Variants in POLQ observed in about 807,000 individuals in gnomAD.
POLQ encodes the protein epididymis secretory sperm binding protein.
A neutral mutation model predicts 259.2 loss-of-function variants in POLQ; 233 were observed. That is an observed-to-expected ratio of 0.90 (90% CI 0.81 to 1.00). POLQ has a LOEUF of 1.00. Among genes scored for constraint, POLQ ranks in the 50% least tolerant of loss-of-function variants. The pLI is 0.00. For missense variants in POLQ, 2,871 were observed against 3,051.6 expected (o/e 0.94, Z 1.39); for synonymous variants, 1,025 against 1,048.8 (o/e 0.98, Z 0.44).
chr3:121,519,990 AC>A lies in POLQ; in HGVS notation c.1348del (p.Val450Ter). 6.2e-7 allele frequency: 1 copy of A among 1,612,968 alleles called. No homozygotes were observed. The highest frequency in any genetic ancestry group is 1.3e-5 in the African/African-American group (1 of 75,000). On this transcript the variant is annotated frameshift_variant, in exon 9 of 30. Coordinates refer to ENST00000264233, the MANE Select transcript of POLQ (RefSeq NM_199420.4). LOFTEE classifies it high-confidence loss of function. ...AATCACACGACGTGCAGGTAAATTC[AC>A]CCCAGAAGAAAGAGTAGAAGTTGCC... ...LAATSTLSSG[V>X]NLPARRVIIR... is the part of the protein sequence containing the mutation.
In POLQ at chr3:121,488,191, C is replaced by T. The variant is rs765438089; in HGVS notation, c.4740G>A (p.Glu1580=). The T allele has an allele frequency of 3.7e-6, 6 of 1,613,614 alleles. No homozygotes were observed. The highest frequency in any genetic ancestry group is 4.2e-6 in the Non-Finnish European group (5 of 1,179,882). ...LDNVDIFPVQ[E]KNHTVVSPRA... ...TAGGAGATACTACAGTATGATTCTT[C>T]TCTTGGACAGGAAATATATCCACAT... The change falls in exon 16 of 30, where the codon GAG becomes GAA. Residue 1580 remains glutamate (E), a synonymous_variant. Transcript: ENST00000264233.
At chr3:121,463,871 A>C (rs1314657006) in intron 24 of POLQ, among the ~76,000 whole-genome samples, 4 of 152,200 alleles carry the variant, frequency 2.6e-5, no homozygotes, top group Non-Finnish European at 5.9e-5. Flanking sequence ...GACCATCAAA[A>C]GTGTTACAAT....
Position 121,545,710 on chromosome 3 carries a change from A to G in POLQ, c.163+5T>C, listed in dbSNP as rs2108824538. On this transcript the variant is annotated splice_donor_5th_base_variant and intron_variant, in intron 1 of 29. Transcript: ENST00000264233. ...TGCCCGCGGCCTCCCGGGTTCCTGGAGCACCTGCAGCTGCGGCCTTCAGGC... is the reference window on the plus strand; with the variant it reads ...TGCCCGCGGCCTCCCGGGTTCCTGGGGCACCTGCAGCTGCGGCCTTCAGGC... 1 of 1,549,188 alleles carries G rather than the reference A, an allele frequency of 6.5e-7. No homozygotes were observed. The highest frequency in any genetic ancestry group is 8.7e-7 in the Non-Finnish European group (1 of 1,148,100).
At chr3:121,471,151 T>C (rs1029597150) in intron 22 of POLQ, among the ~76,000 whole-genome samples, 3 of 152,200 alleles carry the variant, frequency 2.0e-5, no homozygotes, top group African/African-American at 7.2e-5. Context: ...AGTTTTGTAC[T>C]GCCTAGAGAA....
intron 24 of POLQ, among the ~76,000 whole-genome samples, chr3:121,461,967 A>G (rs1243118345): frequency 6.6e-6 from 1 of 152,196 alleles, no homozygotes; most frequent in East Asian, 1.9e-4. Context: ...AATTTAAAAT[A>G]CAGGTTGAGC....
rs1161742827 is a variant in POLQ at position 121,541,454 on chromosome 3, AAG to A, written c.367_368del (p.Leu123CysfsTer28). The stretch of plus-strand genomic sequence containing the variant: ...GCTTCAAAATAAGTAATTCTGCCAC[AAG>A]AGTCTTCCCAGCACTTGTAGGAGCT... ...YSAPTSAGKTLVAELLILKRV... is the reference protein window; with the variant it reads ...YSAPTSAGKTXVAELLILKRV... On this transcript the variant is annotated frameshift_variant, in exon 3 of 30. Transcript: ENST00000264233. LOFTEE classifies it high-confidence loss of function. 3.7e-6 allele frequency: 6 copies of A among 1,609,898 alleles called. No homozygotes were observed. Among genetic ancestry groups the A allele is most frequent in the Non-Finnish European group, 5.1e-6 (6 of 1,178,332 alleles).
chr3:121,467,604 T>C lies in POLQ; in HGVS notation c.6882A>G (p.Arg2294=), dbSNP rs532326. Residue 2294 remains arginine, a synonymous_variant, in exon 24 of 30, where the codon AGA becomes AGG. Transcript: ENST00000264233. The part of the protein sequence containing the change: ...KYKKGFSVNP[R]CQAQMEERAA... ...CTCTCTCCTCCATCTGTGCCTGGCA[T>C]CTAGGATTCACGCTGAAACCCTTCT... The C allele has an allele frequency of 0.018, 28,815 of 1,613,468 alleles. 326 individuals are homozygous for C. The highest frequency in any genetic ancestry group is 0.02 in the Non-Finnish European group (23,638 of 1,179,448).
At chr3:121,498,434 C>T in intron 13 of POLQ, 43 bp downstream of exon 13, 1 of 1,426,378 alleles carries the variant, frequency 7.0e-7, no homozygotes, top group Non-Finnish European at 9.7e-7. Flanking sequence ...ACATGCAAGA[C>T]ACTGTGTTAA....
At chr3:121,477,114 A>G (rs919069010) in intron 19 of POLQ, among the ~76,000 whole-genome samples, 5 of 152,208 alleles carry the variant, frequency 3.3e-5, no homozygotes, top group African/African-American at 1.2e-4. Flanking sequence ...ACATGACACC[A>G]CAATTAGGAC....
Position 121,543,509 on chromosome 3 carries a change from G to A in POLQ, c.343+1218C>T, listed in dbSNP as rs529536561. Among the ~76,000 whole-genome samples, 4 of 152,274 alleles carry A rather than the reference G, an allele frequency of 2.6e-5. No individual in the cohort carries two copies. In the South Asian group the frequency reaches 8.3e-4, roughly 32 times the overall value. On this transcript the variant is annotated intron_variant, in intron 2 of 29. Coordinates refer to ENST00000264233, the MANE Select transcript of POLQ (RefSeq NM_199420.4). ...CAAATCCAACCAGTCTAATTCCACT[G>A]CCTGAACTTATATCTGCTGATAATT... is the stretch of plus-strand genomic sequence containing the variant.
rs1427109957 is a variant in POLQ, at chr3:121,481,628, A to G, written c.6155T>C (p.Leu2052Pro). The part of the protein sequence containing the change: ...GRYRASVESI[L>P]IFNSMNQLNS... ...GAGCTGATTCATAGAGTTGAAGATG[A>G]GAATGGACTCCACAGATGCTCTGTA... Residue 2052 changes from leucine to proline, a missense_variant, in exon 19 of 30, where the codon CTC becomes CCC. Physicochemically the swap from Leu to Pro is moderately conservative, Grantham distance 98. Around this residue, in one of 3 missense-constraint regions of POLQ, gnomAD observed 2,080 missense variants for 2,126.0 expected, o/e 0.98. Transcript: ENST00000264233. The G allele has an allele frequency of 6.2e-7, 1 of 1,613,786 alleles. No individual in the cohort carries two copies. Among genetic ancestry groups the G allele is most frequent in the Non-Finnish European group, 8.5e-7 (1 of 1,179,836 alleles).
intron 19 of POLQ, among the ~76,000 whole-genome samples, chr3:121,477,767 C>T (rs997188381): frequency 6.6e-6 from 1 of 152,122 alleles, no homozygotes; most frequent in Non-Finnish European, 1.5e-5. Context: ...GCAACCCTGG[C>T]CCACCTTCCC....
intron 4 of POLQ, 46 bp downstream of exon 4, chr3:121,539,387 C>G: frequency 2.1e-6 from 3 of 1,445,646 alleles, no homozygotes; most frequent in Admixed American, 2.0e-5. Flanking sequence ...TTCATTCCAT[C>G]AAAAATAGCA....
chr3:121,495,832 G>A (rs1325629271), intron 14 of POLQ, among the ~76,000 whole-genome samples: 2 of 119,158 alleles, frequency 1.7e-5, no homozygotes, highest in African/African-American at 6.5e-5. Context: ...CTGGGAGACA[G>A]AGCAAGACTC....
At chr3:121,525,945 C>CT (rs1349409474) in intron 7 of POLQ, among the ~76,000 whole-genome samples, 10 of 152,066 alleles carry the variant, frequency 6.6e-5, no homozygotes, top group African/African-American at 2.2e-4. Context: ...ATACCTCCAC[C>CT]TTTTTTTGCC....
chr3:121,541,234 G>A (rs147974472), intron 3 of POLQ, 115 bp downstream of exon 3: 1 of 916,110 alleles, frequency 1.1e-6, no homozygotes, highest in African/African-American at 1.7e-5. Context: ...GCTACATAGG[G>A]CACAATGAAG....
Position 121,457,948 on chromosome 3 carries a change from C to T in POLQ, c.7152+2102G>A, listed in dbSNP as rs535894587. Among the ~76,000 whole-genome samples, 8 of 152,146 alleles carry T rather than the reference C, an allele frequency of 5.3e-5. No homozygotes were observed. In the East Asian group the frequency reaches 1.4e-3, roughly 26 times the overall value. ...GATACATGCACACGTATGTTTATTG[C>T]GGCACTATTCACAAGAGCAAAGACT... On this transcript the variant is annotated intron_variant, in intron 25 of 29. Coordinates refer to ENST00000264233, the MANE Select transcript of POLQ (RefSeq NM_199420.4).
chr3:121,532,395 A>G (rs1201695319), intron 6 of POLQ, among the ~76,000 whole-genome samples: 1 of 152,208 alleles, frequency 6.6e-6, no homozygotes, highest in Non-Finnish European at 1.5e-5. Context: ...TAAAAAGAAA[A>G]CGCTACAAGA....
chr3:121,530,769 C>T (rs2048405489), intron 6 of POLQ, among the ~76,000 whole-genome samples: 1 of 152,132 alleles, frequency 6.6e-6, no homozygotes, highest in Admixed American at 6.5e-5. Context: ...ACTCATTAAA[C>T]AAATATTTAC....
Sources: allele counts gnomAD v4.1 joint callset (sites outside exome capture counted in the v4.1 genomes callset), GRCh38; gene constraint gnomAD v4.1.1; regional missense constraint gnomAD v4.1.1; transcripts MANE v1.5; gene names NCBI Gene and HGNC (gene_info 2026-07-23, HGNC 2026-07-21).